The following HIVEP3 variants were observed in gnomAD, a reference collection of about 807,000 sequenced individuals.
The protein encoded by HIVEP3 is HIVEP zinc finger 3.
Under a neutral mutation model 152.8 loss-of-function variants are expected in HIVEP3, and 49 were observed. That is an observed-to-expected ratio of 0.32 (90% CI 0.26 to 0.41). HIVEP3 has a LOEUF of 0.41. Ranked by LOEUF, HIVEP3 falls within the 10% of genes least tolerant of loss-of-function variation. The probability of loss-of-function intolerance (pLI) is 1.00; values close to 1 mark genes in which losing one functional copy is unlikely to be tolerated. For synonymous variants in HIVEP3, 1,269 were observed against 1,289.0 expected (o/e 0.98, Z 0.33); for missense variants, 2,790 against 3,103.3 (o/e 0.90, Z 2.40).
chr1:41,841,706 G>A (rs894471162), intron 1 of HIVEP3, among the ~76,000 whole-genome samples: 3 of 152,180 alleles, frequency 2.0e-5, no homozygotes, highest in Admixed American at 6.5e-5. Context: ...ATGTCCTCAC[G>A]CGTAAGTGAT....
chr1:41,815,465 T>C (rs909964468), intron 1 of HIVEP3, among the ~76,000 whole-genome samples: 4 of 151,980 alleles, frequency 2.6e-5, no homozygotes, highest in African/African-American at 9.7e-5. Context: ...AGTGAGACCC[T>C]GTCTCAAAAA....
chr1:42,006,591 A>T, intron 1 of HIVEP3, among the ~76,000 whole-genome samples: 1 of 151,554 alleles, frequency 6.6e-6, no homozygotes, highest in Non-Finnish European at 1.5e-5. Flanking sequence ...AAAAACTGTG[A>T]AAAGAGTGGT....
Position 41,510,976 on chromosome 1 carries a change from C to G in HIVEP3, c.6696G>C (p.Leu2232=), listed in dbSNP as rs1444694674. Residue 2232 remains leucine, a synonymous_variant, in exon 9 of 9, where the codon CTG becomes CTC. Transcript: ENST00000372583. ...GCTCCTGGGCCTCCCGGGCCCCTGT[C>G]AGGTCGCTGCCACCCCCGGAGAAGC... ...VSGFSGGGSD[L]TGAREAQERG... is the part of the protein sequence containing the mutation. The G allele has an allele frequency of 6.2e-7, 1 of 1,613,538 alleles. No individual in the cohort carries two copies. Among genetic ancestry groups the G allele is most frequent in the Admixed American group, 1.7e-5 (1 of 60,006 alleles).
At chr1:41,853,418 G>C (rs575386785) in intron 1 of HIVEP3, among the ~76,000 whole-genome samples, 1 of 152,194 alleles carries the variant, frequency 6.6e-6, no homozygotes, top group African/African-American at 2.4e-5. Flanking sequence ...CTCTTCACAA[G>C]GTGGCAGGAA....
At position 41,568,697 on chromosome 1, in the gene HIVEP3, A is replaced by T. The variant is rs1165544972; in HGVS notation, c.5207+6847T>A. Among the ~76,000 whole-genome samples, 4 of 152,354 alleles carry T rather than the reference A, an allele frequency of 2.6e-5. No homozygotes were observed. The East Asian group carries it at 7.7e-4, about 29-fold the overall frequency. Reference sequence around the variant, plus strand: ...GCCAAGCTGCCAGGATTTGCTAATGATGTAAGACAGAGTGGCTTTCGGTCC... The same window carrying T: ...GCCAAGCTGCCAGGATTTGCTAATGTTGTAAGACAGAGTGGCTTTCGGTCC... On this transcript the variant is annotated intron_variant, in intron 5 of 8. Transcript: ENST00000372583.
At chr1:41,631,759 CTG>C (rs1239099173) in intron 2 of HIVEP3, among the ~76,000 whole-genome samples, 6 of 152,184 alleles carry the variant, frequency 3.9e-5, no homozygotes, top group Admixed American at 3.3e-4. Flanking sequence ...TCTCACTACT[CTG>C]TGGGTTTCTA....
intron 3 of HIVEP3, among the ~76,000 whole-genome samples, chr1:41,616,633 T>C (rs1644972615): frequency 6.6e-6 from 1 of 150,898 alleles, no homozygotes; most frequent in Non-Finnish European, 1.5e-5. Flanking sequence ...TTTTTTTTTT[T>C]TTTGAGATGG....
At chr1:41,831,398 G>C (rs1390333571) in intron 1 of HIVEP3, among the ~76,000 whole-genome samples, 1 of 152,194 alleles carries the variant, frequency 6.6e-6, no homozygotes, top group Non-Finnish European at 1.5e-5. Context: ...GACAGCTCCA[G>C]CATCCTATAA....
chr1:41,697,461 T>C (rs1460969759), intron 2 of HIVEP3, among the ~76,000 whole-genome samples: 2 of 152,204 alleles, frequency 1.3e-5, no homozygotes. Context: ...TCTGCGGGGC[T>C]CATGGTCATC....
In HIVEP3 at chr1:41,510,950, C is replaced by T. The variant is rs147749727; in HGVS notation, c.6722G>A (p.Arg2241Gln). Residue 2241 changes from arginine (R) to glutamine (Q), a missense_variant, in exon 9 of 9, where the codon CGA (arginine) becomes CAA (glutamine). By Grantham distance (43) the Arg-to-Gln change is conservative (BLOSUM62 1). This residue lies in a region of HIVEP3 where 816 missense variants were observed against 806.5 expected (regional missense o/e 1.01). Coordinates refer to ENST00000372583, the MANE Select transcript of HIVEP3 (RefSeq NM_024503.5). ...GCTCTCAGTGGGACTCCAGCGGCCT[C>T]GCTCCTGGGCCTCCCGGGCCCCTGT... ...DLTGAREAQE[R>Q]GRWSPTESSS... is the part of the protein sequence containing the mutation. The T allele has an allele frequency of 1.5e-3, 2,467 of 1,613,586 alleles. 17 individuals carry two copies. The highest frequency in any genetic ancestry group is 2.3e-3 in the South Asian group (214 of 91,074).
chr1:41,600,456 C>A (rs1272616925), intron 3 of HIVEP3, among the ~76,000 whole-genome samples: 1 of 152,132 alleles, frequency 6.6e-6, no homozygotes, highest in Non-Finnish European at 1.5e-5. Flanking sequence ...AAGCCAGCCA[C>A]AAATGAACAA....
intron 1 of HIVEP3, among the ~76,000 whole-genome samples, chr1:41,823,416 G>C (rs1642665255): frequency 6.6e-6 from 1 of 152,202 alleles, no homozygotes; most frequent in Admixed American, 6.5e-5. Context: ...GTCTTAGTTA[G>C]ACTGACTTGC....
intron 1 of HIVEP3, among the ~76,000 whole-genome samples, chr1:41,944,497 T>C (rs1180139643): frequency 6.6e-6 from 1 of 152,108 alleles, no homozygotes; most frequent in Non-Finnish European, 1.5e-5. Flanking sequence ...ATAAGAACTG[T>C]TGTTTATGGG....
intron 1 of HIVEP3, among the ~76,000 whole-genome samples, chr1:41,782,505 G>T (rs1386291200): frequency 6.6e-6 from 1 of 152,116 alleles, no homozygotes; most frequent in Admixed American, 6.5e-5. Context: ...AAGCCAAGGC[G>T]GGTGGATCAC....
chr1:41,684,990 C>T (rs1646093933), intron 2 of HIVEP3, among the ~76,000 whole-genome samples: 2 of 152,298 alleles, frequency 1.3e-5, no homozygotes, highest in Admixed American at 6.5e-5. Flanking sequence ...TGTTTTTGCC[C>T]TATCACCACG....
At chr1:41,523,323 C>A (rs1023182999) in intron 6 of HIVEP3, among the ~76,000 whole-genome samples, 6 of 152,162 alleles carry the variant, frequency 3.9e-5, no homozygotes, top group African/African-American at 9.7e-5. Context: ...CCAATGTGCC[C>A]TCTCTGGGCA....
At chr1:41,787,035 A>G (rs1410468459) in intron 1 of HIVEP3, among the ~76,000 whole-genome samples, 1 of 152,192 alleles carries the variant, frequency 6.6e-6, no homozygotes, top group Non-Finnish European at 1.5e-5. Context: ...GACAGGGGTG[A>G]GCTACCACAC....
chr1:41,961,662 C>T (rs1216338338), intron 1 of HIVEP3, among the ~76,000 whole-genome samples: 1 of 152,230 alleles, frequency 6.6e-6, no homozygotes, highest in Non-Finnish European at 1.5e-5. Flanking sequence ...TACACTACTG[C>T]AATTGTGTGG....
At chr1:41,684,415 C>T (rs1309044155) in intron 2 of HIVEP3, among the ~76,000 whole-genome samples, 1 of 152,222 alleles carries the variant, frequency 6.6e-6, no homozygotes, top group Non-Finnish European at 1.5e-5. Context: ...CATGGCCTCT[C>T]CAGGGTCTCC....
Sources: gnomAD v4.1 joint callset for allele counts (sites outside exome capture counted in the v4.1 genomes callset) on GRCh38, gnomAD v4.1.1 for gene constraint, gnomAD v4.1.1 regional missense constraint, MANE v1.5 for transcripts, NCBI Gene and HGNC (gene_info 2026-07-23, HGNC 2026-07-21) for gene names.